Variants in CHRM3 observed in about 807,000 individuals in gnomAD.
CHRM3 encodes the protein muscarinic acetylcholine receptor M3.
Under a neutral mutation model 41.8 loss-of-function variants are expected in CHRM3, and 11 were observed. The observed-to-expected ratio is 0.26, with a 90% confidence interval of 0.17 to 0.44. CHRM3 has a LOEUF of 0.44. Ranked by LOEUF, CHRM3 falls within the 20% of genes least tolerant of loss-of-function variation. The probability of loss-of-function intolerance (pLI) is 1.00; values close to 1 mark genes in which losing one functional copy is unlikely to be tolerated. For missense variants in CHRM3, 571 were observed against 745.4 expected (o/e 0.77, Z 2.72); for synonymous variants, 297 against 301.4 (o/e 0.99, Z 0.15).
chr1:239,577,853 G>A (rs143845363), intron 3 of CHRM3, among the ~76,000 whole-genome samples: 1,878 of 152,102 alleles, frequency 0.012, 46 homozygotes, highest in African/African-American at 0.043. Context: ...CCTTGTCACT[G>A]GCATCCTCTA....
At chr1:239,530,368 C>T (rs1469984222) in intron 2 of CHRM3, among the ~76,000 whole-genome samples, 5 of 152,076 alleles carry the variant, frequency 3.3e-5, no homozygotes, top group East Asian at 1.9e-4. Flanking sequence ...CTATATTGCT[C>T]GATCCATTAA....
intron 1 of CHRM3, among the ~76,000 whole-genome samples, chr1:239,394,628 G>A (rs1478139477): frequency 3.3e-5 from 5 of 152,248 alleles, no homozygotes; most frequent in South Asian, 4.2e-4. Flanking sequence ...GTGTTAAACT[G>A]TGCAGTCTGT....
chr1:239,612,869 A>G (rs567604868), intron 3 of CHRM3, among the ~76,000 whole-genome samples: 69 of 152,242 alleles, frequency 4.5e-4, no homozygotes, highest in African/African-American at 1.6e-3. Flanking sequence ...TGGTTTGCTA[A>G]TGGGGCCATC....
intron 1 of CHRM3, among the ~76,000 whole-genome samples, chr1:239,465,746 G>C (rs1305098939): frequency 6.6e-6 from 1 of 152,068 alleles, no homozygotes; most frequent in Non-Finnish European, 1.5e-5. Context: ...GCCTCCAGTC[G>C]ACCCTTGAAC....
chr1:239,801,229 G>A (rs965347762), intron 5 of CHRM3, among the ~76,000 whole-genome samples: 4 of 152,174 alleles, frequency 2.6e-5, no homozygotes, highest in Non-Finnish European at 4.4e-5. Context: ...TGAGGAAATT[G>A]AGGCTTAGAG....
Position 239,684,736 on chromosome 1 carries a change from G to GAA in CHRM3, c.-147+6449_-147+6450insAA, listed in dbSNP as rs773661261. Among the ~76,000 whole-genome samples the GAA allele has an allele frequency of 3.6e-3, 491 of 137,414 alleles. 1 individual carries two copies. The highest frequency in any genetic ancestry group is 7.3e-3 in the Middle Eastern group (2 of 274). 90.1% of individuals were successfully genotyped at this position (137,414 alleles called of 152,430 possible). ...AAAGAAGAAAGGAAAGGAAAGGAAA[G>GAA]AGAGAAAGAAAGAGAAAGAAAGAAA... On this transcript the variant is annotated intron_variant, in intron 5 of 6. Coordinates refer to ENST00000676153, the MANE Select transcript of CHRM3 (RefSeq NM_001375978.1).
chr1:239,600,911 C>T (rs987867194), intron 3 of CHRM3, among the ~76,000 whole-genome samples: 2 of 151,978 alleles, frequency 1.3e-5, no homozygotes, highest in Non-Finnish European at 2.9e-5. Context: ...AGTCTCTGAG[C>T]ATAGCTTAAA....
chr1:239,475,460 T>C (rs1393388600), intron 1 of CHRM3, among the ~76,000 whole-genome samples: 1 of 151,476 alleles, frequency 6.6e-6, no homozygotes, highest in African/African-American at 2.4e-5. Context: ...GAGAGAGGAG[T>C]CTAAGAAATT....
intron 6 of CHRM3, among the ~76,000 whole-genome samples, chr1:239,897,509 T>C (rs1360083056): frequency 1.3e-5 from 2 of 152,210 alleles, no homozygotes; most frequent in Admixed American, 6.5e-5. Flanking sequence ...TTAAAAGCAC[T>C]GTTCTTTATC....
At chr1:239,645,952 GAA>G (rs1671704909) in intron 4 of CHRM3, among the ~76,000 whole-genome samples, 2 of 152,056 alleles carry the variant, frequency 1.3e-5, no homozygotes, top group Non-Finnish European at 2.9e-5. Context: ...GGCTTACAGT[GAA>G]AAAGTTTTGG....
rs74149258 is a variant in CHRM3 at position 239,865,595 on chromosome 1, G to C, written c.-20+38217G>C. ...TATTCCAAGAGGTGGGAACACCAGAGCACATGGCAGAGCTGAAAAAGTGGA... is the reference window on the plus strand; with the variant it reads ...TATTCCAAGAGGTGGGAACACCAGACCACATGGCAGAGCTGAAAAAGTGGA... On this transcript the variant is annotated intron_variant, in intron 6 of 6. Coordinates refer to ENST00000676153, the MANE Select transcript of CHRM3 (RefSeq NM_001375978.1). Among the ~76,000 whole-genome samples, 440 of 152,226 alleles carry C rather than the reference G, an allele frequency of 2.9e-3. 1 individual carries two copies. Among genetic ancestry groups the C allele is most frequent in the Middle Eastern group, 6.8e-3 (2 of 294 alleles).
chr1:239,777,744 G>A (rs998372519), intron 5 of CHRM3, among the ~76,000 whole-genome samples: 3 of 152,130 alleles, frequency 2.0e-5, no homozygotes, highest in African/African-American at 7.2e-5. Context: ...GCGAAGAAAT[G>A]AACATTCATA....
At chr1:239,733,305 TA>T (rs1485305725) in intron 5 of CHRM3, among the ~76,000 whole-genome samples, 2 of 152,004 alleles carry the variant, frequency 1.3e-5, no homozygotes, top group African/African-American at 4.8e-5. Flanking sequence ...TCCCCCAAAG[TA>T]CGCATAGTTG....
chr1:239,906,903 G>C (rs1445150865), intron 6 of CHRM3, among the ~76,000 whole-genome samples: 1 of 152,138 alleles, frequency 6.6e-6, no homozygotes, highest in Admixed American at 6.6e-5. Flanking sequence ...AGTGTGAATT[G>C]ATTTACATTG....
At chr1:239,887,511 T>C (rs1401625289) in intron 6 of CHRM3, among the ~76,000 whole-genome samples, 1 of 152,130 alleles carries the variant, frequency 6.6e-6, no homozygotes, top group African/African-American at 2.4e-5. Context: ...GCGTGAGCCA[T>C]GGTGCCAGGC....
intron 5 of CHRM3, among the ~76,000 whole-genome samples, chr1:239,689,445 T>G (rs973897949): frequency 1.3e-5 from 2 of 152,238 alleles, no homozygotes; most frequent in East Asian, 1.9e-4. Flanking sequence ...AAATATAAAT[T>G]TCTCTAAAGT....
At chr1:239,839,603 G>A (rs912853786) in intron 6 of CHRM3, among the ~76,000 whole-genome samples, 1 of 152,218 alleles carries the variant, frequency 6.6e-6, no homozygotes. Context: ...AAGATTCCAT[G>A]TCAGAATATG....
At chr1:239,415,237 T>G (rs1165712319) in intron 1 of CHRM3, among the ~76,000 whole-genome samples, 1 of 152,122 alleles carries the variant, frequency 6.6e-6, no homozygotes, top group African/African-American at 2.4e-5. Flanking sequence ...GTCAGGAGTT[T>G]GAGACCAGCC....
At chr1:239,518,395 A>G (rs1669413436) in intron 2 of CHRM3, among the ~76,000 whole-genome samples, 1 of 152,206 alleles carries the variant, frequency 6.6e-6, no homozygotes, top group Non-Finnish European at 1.5e-5. Flanking sequence ...CTTCACAGTT[A>G]AACTGTATGC....
Sources: allele counts gnomAD v4.1 joint callset (sites outside exome capture counted in the v4.1 genomes callset), GRCh38; gene constraint gnomAD v4.1.1; transcripts MANE v1.5; gene names NCBI Gene and HGNC (gene_info 2026-07-23, HGNC 2026-07-21).